FAM83G: variants seen among roughly 807,000 people sequenced by gnomAD.
FAM83G encodes the protein protein FAM83G.
FAM83G carries 38 observed loss-of-function variants against 61.5 expected under a neutral mutation model. That is an observed-to-expected ratio of 0.62 (90% CI 0.48 to 0.81). FAM83G has a LOEUF of 0.81. Ranked by LOEUF, FAM83G falls within the 30% of genes least tolerant of loss-of-function variation. The pLI is 0.00. For synonymous variants in FAM83G, 470 were observed against 476.1 expected, an observed-to-expected ratio of 0.99 and a Z score of 0.17; for missense variants, 989 against 1,133.6, an observed-to-expected ratio of 0.87 and a Z score of 1.83.
chr17:19,001,776 G>GC (rs1295335799), intron 2 of FAM83G, among the ~76,000 whole-genome samples: 1 of 152,082 alleles, frequency 6.6e-6, no homozygotes, highest in East Asian at 1.9e-4. Context: ...GGCCCTGGGA[G>GC]CCCCTATCTG....
chr17:18,971,444 A>G lies in FAM83G; in HGVS notation c.2387T>C (p.Leu796Pro). Residue 796 changes from leucine (L) to proline (P), a missense_variant, in exon 6 of 6, where the codon CTA (leucine) becomes CCA (proline). This residue lies in a region of FAM83G where 574 missense variants were observed against 645.1 expected (regional missense o/e 0.89). Coordinates refer to ENST00000388995, the MANE Select transcript of FAM83G (RefSeq NM_001039999.3). The surrounding 1 kb of genome is among the most constrained non-coding windows in gnomAD (Gnocchi z 5.5). ...CTGGCTACCGCCCGTCCTGGCCTTT[A>G]GGTGCTTCGACTGAGACAGTTTGGA... ...PYSKLSQSKH[L>P]KARTGGSQWA... is the part of the protein sequence containing the mutation. The G allele has an allele frequency of 6.2e-7, 1 of 1,613,798 alleles. No homozygotes were observed. Among genetic ancestry groups the G allele is most frequent in the Non-Finnish European group, 8.5e-7 (1 of 1,180,022 alleles).
chr17:18,983,801 A>G (rs1167725322), intron 3 of FAM83G, among the ~76,000 whole-genome samples: 5 of 152,130 alleles, frequency 3.3e-5, no homozygotes, highest in African/African-American at 1.2e-4. Context: ...GGCCCAAAGT[A>G]TGTGACGGCA....
In FAM83G at chr17:18,971,557, G is replaced by A. The variant is rs377066158; in HGVS notation, c.2274C>T (p.Pro758=). 25 of 1,613,806 alleles carry A rather than the reference G, an allele frequency of 1.5e-5. No homozygotes were observed. The highest frequency in any genetic ancestry group is 1.3e-4 in the African/African-American group (10 of 75,044). The change falls in exon 6 of 6, where the codon CCC becomes CCT. Residue 758 remains proline (P), a synonymous_variant. Coordinates refer to ENST00000388995, the MANE Select transcript of FAM83G (RefSeq NM_001039999.3). The surrounding 1 kb of genome is among the most constrained non-coding windows in gnomAD (Gnocchi z 5.5). ...CATTTTGGGCCAGTCTTGGGCTGCC[G>A]GGATCCGGAAGCAGGCGGGGTACCT... ...GGQVPRLLPD[P]GSPRLAQNAR...
chr17:18,975,324 C>T (rs540478027), intron 5 of FAM83G, among the ~76,000 whole-genome samples: 2 of 152,274 alleles, frequency 1.3e-5, no homozygotes, highest in South Asian at 2.1e-4. Flanking sequence ...TTAATGTTTC[C>T]GTGACATCCA....
chr17:19,005,159 G>A (rs2043849108), upstream of FAM83G, among the ~76,000 whole-genome samples: 1 of 152,212 alleles, frequency 6.6e-6, no homozygotes, highest in Non-Finnish European at 1.5e-5. Flanking sequence ...ACAGGTCTAG[G>A]GTACTGGGCT....
chr17:18,989,955 G>A (rs2043371168), intron 2 of FAM83G, among the ~76,000 whole-genome samples: 1 of 152,226 alleles, frequency 6.6e-6, no homozygotes, highest in African/African-American at 2.4e-5. Flanking sequence ...GGTCCCCCCA[G>A]AGCGGACAGC....
Position 18,982,428 on chromosome 17 carries a change from T to C in FAM83G, c.691-2755A>G, listed in dbSNP as rs534447945. 8.5e-5 allele frequency among the ~76,000 whole-genome samples: 13 copies of C among 152,340 alleles called. No individual in the cohort carries two copies. In the East Asian group the frequency reaches 2.3e-3, roughly 27 times the overall value. ...AGGTGGAGGATCCCACAAAGCTGCA[T>C]TGTCTCTGAGCTCCTGGGACACCCC... On this transcript the variant is annotated intron_variant, in intron 3 of 5. Coordinates refer to ENST00000388995, the MANE Select transcript of FAM83G (RefSeq NM_001039999.3).
At position 18,992,250 on chromosome 17, in the gene FAM83G, C is replaced by T. The variant is rs539684214; in HGVS notation, c.523-3836G>A. Among the ~76,000 whole-genome samples the T allele has an allele frequency of 8.5e-5, 13 of 152,316 alleles. No homozygotes were observed. The South Asian group carries it at 2.7e-3, about 32-fold the overall frequency. ...TCTGCCTGTGTCTCGAATCCCCCAC[C>T]TCCCTCTGTGTCCTTGGGACAGGGG... On this transcript the variant is annotated intron_variant, in intron 2 of 5. Transcript: ENST00000388995.
At position 18,977,906 on chromosome 17, in the gene FAM83G, T is replaced by G; in HGVS notation, c.1760A>C (p.Tyr587Ser). Residue 587 changes from tyrosine to serine, a missense_variant, in exon 5 of 6, where the codon TAC (tyrosine) becomes TCC (serine). Transcript: ENST00000388995. The stretch of plus-strand genomic sequence containing the variant: ...GCTGTCCTGGTCACTGAGGGTTACG[T>G]AGTCGTCATCATCTTCTTCTTCCAC... ...DGVEEEDDDDYVTLSDQDSHS... is the reference protein window; with the variant it reads ...DGVEEEDDDDSVTLSDQDSHS... 6.2e-7 allele frequency: 1 copy of G among 1,610,560 alleles called. No homozygotes were observed. The highest frequency in any genetic ancestry group is 1.1e-5 in the South Asian group (1 of 91,054).
intron 3 of FAM83G, among the ~76,000 whole-genome samples, chr17:18,983,257 T>A (rs1251354211): frequency 6.6e-6 from 1 of 152,226 alleles, no homozygotes; most frequent in Non-Finnish European, 1.5e-5. Context: ...TCCTTTAATT[T>A]CACCCTCACA....
intron 3 of FAM83G, among the ~76,000 whole-genome samples, chr17:18,984,503 G>T (rs981091863): frequency 4.6e-5 from 7 of 152,214 alleles, no homozygotes; most frequent in Non-Finnish European, 1.0e-4. Context: ...GAGCGGCAGC[G>T]ATCCTCACTT....
chr17:19,004,180 G>C lies in FAM83G; in HGVS notation c.-128-11C>G. The C allele has an allele frequency of 1.6e-6, 1 of 617,462 alleles. No individual in the cohort carries two copies. Among genetic ancestry groups the C allele is most frequent in the Non-Finnish European group, 2.4e-6 (1 of 419,628 alleles). 38.2% of individuals were successfully genotyped at this position (617,462 alleles called of 1,614,324 possible). ...CTGCCCATGAGCAATCTGCGGGAAA[G>C]ACCTGATGAGCCCGGCTCGGCGGGG... On this transcript the variant is annotated splice_polypyrimidine_tract_variant and intron_variant, in intron 1 of 5. Coordinates refer to ENST00000388995, the MANE Select transcript of FAM83G (RefSeq NM_001039999.3). This position sits in a 1 kb window ranked among gnomAD's most constrained non-coding sequence, Gnocchi z 5.4.
chr17:18,977,761 C>T lies in FAM83G; in HGVS notation c.1905G>A (p.Glu635=). ...GTGGGGTTGGCCCGTTGGCCACTTGCTCTGAGTGGCGCCTCCGGAGAGGGA... is the reference window on the plus strand; with the variant it reads ...GTGGGGTTGGCCCGTTGGCCACTTGTTCTGAGTGGCGCCTCCGGAGAGGGA... ...HSVPLRRRHS[E]QVANGPTPPP... is the part of the protein sequence containing the mutation. The change falls in exon 5 of 6, where the codon GAG becomes GAA. Residue 635 remains glutamate, a synonymous_variant. Transcript: ENST00000388995. 1 of 1,604,174 alleles carries T rather than the reference C, an allele frequency of 6.2e-7. No individual in the cohort carries two copies. Among genetic ancestry groups the T allele is most frequent in the Non-Finnish European group, 8.5e-7 (1 of 1,175,426 alleles).
chr17:18,985,787 G>C (rs762354465), intron 3 of FAM83G, among the ~76,000 whole-genome samples: 1 of 152,192 alleles, frequency 6.6e-6, no homozygotes, highest in African/African-American at 2.4e-5. Context: ...CGAGGCGGCT[G>C]AGCAGGGCAG....
Position 18,969,078 on chromosome 17 carries a change from T to C in FAM83G, c.*2281A>G, listed in dbSNP as rs765149044. ...TGGACCTGTACGCGGGGGCTCTGTT[T>C]GTGCACATCTGCCTGGGCTGGAACT... On this transcript the variant is annotated 3_prime_UTR_variant, in exon 6 of 6. Transcript: ENST00000388995. 5 of 1,613,920 alleles carry C rather than the reference T, an allele frequency of 3.1e-6. No individual in the cohort carries two copies. In the Admixed American group the frequency reaches 8.3e-5, roughly 27 times the overall value.
rs1209697026 is a variant in FAM83G at position 18,971,363 on chromosome 17, G to A, written c.2468C>T (p.Pro823Leu). The A allele has an allele frequency of 1.9e-6, 3 of 1,552,810 alleles. No homozygotes were observed. The highest frequency in any genetic ancestry group is 2.6e-6 in the Non-Finnish European group (3 of 1,155,922). ...GCTCCAGGCTGGGACATGCTGCTAG[G>A]GGTCTTTGCGGTCCCGGGGGGCTTG... ...RAQAPRDRKDP is the reference protein window; with the variant it reads ...RAQAPRDRKDL Residue 823 changes from proline (P) to leucine (L), a missense_variant, in exon 6 of 6, where the codon CCC (proline) becomes CTC (leucine). Pro to Leu is a moderately conservative substitution (Grantham distance 98). Coordinates refer to ENST00000388995, the MANE Select transcript of FAM83G (RefSeq NM_001039999.3). This position sits in a 1 kb window ranked among gnomAD's most constrained non-coding sequence, Gnocchi z 5.5.
chr17:18,971,461 C>T lies in FAM83G; in HGVS notation c.2370G>A (p.Leu790=), dbSNP rs2042848981. ...TGGCCTTTAGGTGCTTCGACTGAGA[C>T]AGTTTGGAGTATGGGATTCCGAAGG... ...PSPFGIPYSK[L]SQSKHLKART... The change falls in exon 6 of 6, where the codon CTG becomes CTA. Residue 790 remains leucine (L), a synonymous_variant. Coordinates refer to ENST00000388995, the MANE Select transcript of FAM83G (RefSeq NM_001039999.3). This position sits in a 1 kb window ranked among gnomAD's most constrained non-coding sequence, Gnocchi z 5.5. The T allele has an allele frequency of 6.2e-7, 1 of 1,613,966 alleles. No homozygotes were observed. The highest frequency in any genetic ancestry group is 2.2e-5 in the East Asian group (1 of 44,870).
chr17:18,984,036 C>T lies in FAM83G; in HGVS notation c.690+4211G>A, dbSNP rs887902839. Among the ~76,000 whole-genome samples the T allele has an allele frequency of 2.0e-5, 3 of 152,146 alleles. No homozygotes were observed. In the East Asian group the frequency reaches 5.8e-4, roughly 29 times the overall value. On this transcript the variant is annotated intron_variant, in intron 3 of 5. Coordinates refer to ENST00000388995, the MANE Select transcript of FAM83G (RefSeq NM_001039999.3). ...CAAATGTCCCTCAGCAGAGTGAATCCCCCCCGTTTGAGAACCCCTGCCTTG... is the reference window on the plus strand; with the variant it reads ...CAAATGTCCCTCAGCAGAGTGAATCTCCCCCGTTTGAGAACCCCTGCCTTG...
At chr17:18,973,906 T>C (rs866968643) in intron 5 of FAM83G, among the ~76,000 whole-genome samples, 3,262 of 143,118 alleles carry the variant, frequency 0.023, 149 homozygotes, top group African/African-American at 0.082. Context: ...TTTTTTTTTT[T>C]CCCAGAGACA....
Sources: gnomAD v4.1 joint callset for allele counts (sites outside exome capture counted in the v4.1 genomes callset) on GRCh38, gnomAD v4.1.1 for gene constraint, gnomAD v4.1.1 regional missense constraint, Gnocchi (gnomAD v3.1) non-coding constraint, MANE v1.5 for transcripts, NCBI Gene and HGNC (gene_info 2026-07-23, HGNC 2026-07-21) for gene names.